CCDC9: variants seen among roughly 807,000 people sequenced by gnomAD.
The protein encoded by CCDC9 is coiled-coil domain-containing protein 9.
A neutral mutation model predicts 65.6 loss-of-function variants in CCDC9; 52 were observed. That is an observed-to-expected ratio of 0.79 (90% CI 0.63 to 1.00). The LOEUF (loss-of-function observed/expected upper bound fraction) is 1.00, where lower values mean the gene tolerates loss of function less well. Ranked by LOEUF, CCDC9 falls within the 50% of genes least tolerant of loss-of-function variation. The probability of loss-of-function intolerance (pLI) is 0.00; values close to 1 mark genes in which losing one functional copy is unlikely to be tolerated. For synonymous variants in CCDC9, 332 were observed against 280.3 expected (o/e 1.18, Z -1.84); for missense variants, 834 against 757.2 (o/e 1.10, Z -1.19).
chr19:47,263,532 T>G (rs2123457121), intron 5 of CCDC9, among the ~76,000 whole-genome samples: 1 of 152,300 alleles, frequency 6.6e-6, no homozygotes, highest in African/African-American at 2.4e-5. Context: ...GGGGGCTGGT[T>G]TATTTTTATT....
chr19:47,270,891 A>G (rs1025113885), intron 10 of CCDC9, among the ~76,000 whole-genome samples, 191 bp from the exon 11 acceptor site: 4 of 151,286 alleles, frequency 2.6e-5, no homozygotes, highest in African/African-American at 7.3e-5. Flanking sequence ...GCCGTCACCC[A>G]TCTCCTCTCC....
intron 4 of CCDC9, 72 bp downstream of exon 4, chr19:47,260,494 G>T (rs1041600789): frequency 1.9e-6 from 3 of 1,603,296 alleles, no homozygotes; most frequent in African/African-American, 1.3e-5. Context: ...GGACCCAGGA[G>T]CCCCCAGCTG....
intron 8 of CCDC9, among the ~76,000 whole-genome samples, chr19:47,268,656 G>A (rs2059097245): frequency 6.6e-6 from 1 of 152,074 alleles, no homozygotes; most frequent in Non-Finnish European, 1.5e-5. Context: ...AGTGGCTCAC[G>A]TCTGTAATCC....
At chr19:47,256,703 G>GCGGGGGCGGGGTCGT in intron 1 of CCDC9, 94 bp downstream of exon 1, 1 of 149,332 alleles carries the variant, frequency 6.7e-6, no homozygotes, top group Admixed American at 6.7e-5. Flanking sequence ...GGCGGGGTCG[G>GCGGGGGCGGGGTCGT]AGTTCTCTGC....
downstream of CCDC9, chr19:47,274,829 TAG>T: frequency 1.2e-6 from 1 of 864,850 alleles, no homozygotes; most frequent in South Asian, 6.3e-5. Context: ...GCGGGCGGTT[TAG>T]AGAGCGGGGC....
chr19:47,270,979 C>T, intron 10 of CCDC9, 103 bp from the exon 11 acceptor site: 1 of 895,704 alleles, frequency 1.1e-6, no homozygotes. Flanking sequence ...TCCACCATGC[C>T]AGATGCTCTG....
At chr19:47,275,080 T>A, downstream of CCDC9, 1 of 1,496,294 alleles carries the variant, frequency 6.7e-7, no homozygotes, top group Non-Finnish European at 8.9e-7. Context: ...TACGGTCTCA[T>A]CTGGGTACCC....
rs777066435 is a variant in CCDC9 at position 47,260,809 on chromosome 19, A to G, written c.432A>G (p.Gly144=). The part of the protein sequence containing the change: ...GRGSPHLSGA[G]DTSISDRKSK... ...GTTCACCTCACCTCTCTGGAGCTGGAGACACCTCAATCTCTGACCGTAAAT... is the reference window on the plus strand; with the variant it reads ...GTTCACCTCACCTCTCTGGAGCTGGGGACACCTCAATCTCTGACCGTAAAT... The change falls in exon 5 of 12, where the codon GGA becomes GGG. Residue 144 remains glycine (G), a synonymous_variant. Transcript: ENST00000221922. 6.2e-7 allele frequency: 1 copy of G among 1,613,264 alleles called. No homozygotes were observed. Among genetic ancestry groups the G allele is most frequent in the East Asian group, 2.2e-5 (1 of 44,826 alleles).
chr19:47,272,211 CTG>C (rs1568643399), downstream of CCDC9: 2 of 1,184,302 alleles, frequency 1.7e-6, no homozygotes, highest in Admixed American at 8.5e-5. Flanking sequence ...TCCTCTTTCT[CTG>C]GGGCTGAGGG....
At chr19:47,264,133 G>A (rs560419321) in intron 5 of CCDC9, among the ~76,000 whole-genome samples, 5 of 151,978 alleles carry the variant, frequency 3.3e-5, no homozygotes, top group Non-Finnish European at 5.9e-5. Flanking sequence ...CACCCACTTC[G>A]GCCTCCCAAA....
chr19:47,259,589 C>T (rs1469275098), intron 3 of CCDC9, among the ~76,000 whole-genome samples: 1 of 152,074 alleles, frequency 6.6e-6, no homozygotes, highest in Non-Finnish European at 1.5e-5. Context: ...TGTGGCTCTC[C>T]CTGAGATGGG....
At position 47,264,665 on chromosome 19, in the gene CCDC9, C is replaced by T. The variant is rs771763612; in HGVS notation, c.525C>T (p.Ala175=). 2.6e-5 allele frequency: 41 copies of T among 1,604,672 alleles called. No individual in the cohort carries two copies. The highest frequency in any genetic ancestry group is 1.2e-4 in the South Asian group (11 of 89,404). Residue 175 remains alanine, a synonymous_variant, in exon 6 of 12, where the codon GCC becomes GCT. Coordinates refer to ENST00000221922, the MANE Select transcript of CCDC9 (RefSeq NM_015603.3). ...TGAATGAGGAGATGGAGAAGATCGC[C>T]GAGTATGAGCGCAACCAGCGGGTCA... ...EKMNEEMEKI[A]EYERNQREGV...
rs376469649 is a variant in CCDC9 at position 47,265,715 on chromosome 19, T to C, written c.720+769T>C. Among the ~76,000 whole-genome samples, 7 of 144,776 alleles carry C rather than the reference T, an allele frequency of 4.8e-5. 1 individual carries two copies. The highest frequency in any genetic ancestry group is 1.8e-4 in the African/African-American group (7 of 38,758). 95.0% of individuals were successfully genotyped at this position (144,776 alleles called of 152,430 possible). Reference sequence around the variant, plus strand: ...GTTTTTTTTTTTTTTTGAGATGGAGTCTTGCTCCATCGCCCAGGCTGGAGT... The same window carrying C: ...GTTTTTTTTTTTTTTTGAGATGGAGCCTTGCTCCATCGCCCAGGCTGGAGT... On this transcript the variant is annotated intron_variant, in intron 7 of 11. Coordinates refer to ENST00000221922, the MANE Select transcript of CCDC9 (RefSeq NM_015603.3).
At chr19:47,266,401 GA>G in intron 7 of CCDC9, 2 of 596,164 alleles carry the variant, frequency 3.4e-6, no homozygotes, top group Non-Finnish European at 5.4e-6. Flanking sequence ...GTGTTGTGGA[GA>G]AAAATCCAGC....
chr19:47,270,443 C>T lies in CCDC9; in HGVS notation c.939C>T (p.Ser313=). The T allele has an allele frequency of 1.2e-6, 2 of 1,614,208 alleles. No individual in the cohort carries two copies. The highest frequency in any genetic ancestry group is 1.7e-6 in the Non-Finnish European group (2 of 1,180,016). The change falls in exon 9 of 12, where the codon TCC becomes TCT. Residue 313 remains serine, a synonymous_variant. Transcript: ENST00000221922. The part of the protein sequence containing the change: ...KDGPVPAHEP[S]HRYDDQAWAR... The stretch of plus-strand genomic sequence containing the variant: ...GCCCAGTCCCTGCCCATGAACCATC[C>T]CACCGCTATGGTGAGTGGGTGCCCT...
chr19:47,274,715 T>G, downstream of CCDC9: 1 of 209,472 alleles, frequency 4.8e-6, no homozygotes, highest in Non-Finnish European at 7.7e-6. Context: ...GGGTAGCACC[T>G]CCGCCTGTCG....
At chr19:47,275,094 C>A (rs560518872), downstream of CCDC9, 10 of 1,494,296 alleles carry the variant, frequency 6.7e-6, no homozygotes, top group South Asian at 1.1e-4. Context: ...GGTACCCACG[C>A]GGTCTCCCGC....
Position 47,270,255 on chromosome 19 carries a change from C to A in CCDC9, c.903-152C>A, listed in dbSNP as rs1016510542. ...GAGTGCGGGGATTACAGGCTTGAGCCACCATGCCCGGCCCTGTCCTACTTC... is the reference window on the plus strand; with the variant it reads ...GAGTGCGGGGATTACAGGCTTGAGCAACCATGCCCGGCCCTGTCCTACTTC... On this transcript the variant is annotated intron_variant, in intron 8 of 11. Coordinates refer to ENST00000221922, the MANE Select transcript of CCDC9 (RefSeq NM_015603.3). 7 of 729,714 alleles carry A rather than the reference C, an allele frequency of 9.6e-6. No homozygotes were observed. In the African/African-American group the frequency reaches 1.2e-4, roughly 13 times the overall value. The allele number at this position is 729,714 out of a possible 1,614,324, so 45.2% of individuals were successfully genotyped here.
intron 5 of CCDC9, 121 bp downstream of exon 5, chr19:47,260,960 C>T (rs1332536476): frequency 5.1e-6 from 6 of 1,166,458 alleles, no homozygotes; most frequent in Admixed American, 2.6e-5. Context: ...CTCTCTGAGC[C>T]TTTGCATCTG....
Sources: gnomAD v4.1 joint callset for allele counts (sites outside exome capture counted in the v4.1 genomes callset) on GRCh38, gnomAD v4.1.1 for gene constraint, MANE v1.5 for transcripts, NCBI Gene and HGNC (gene_info 2026-07-23, HGNC 2026-07-21) for gene names.